Variants in ELAPOR1 observed in about 807,000 individuals in gnomAD.
ELAPOR1 encodes endosome-lysosome associated apoptosis and autophagy regulator 1.
A neutral mutation model predicts 119.7 loss-of-function variants in ELAPOR1; 77 were observed. The ratio of observed to expected loss-of-function variants is 0.64; its 90% CI spans 0.54 to 0.78. The LOEUF (loss-of-function observed/expected upper bound fraction) is 0.78. ELAPOR1 is among the 30% of genes least tolerant of loss of function. The pLI is 0.00. For synonymous variants in ELAPOR1, 481 were observed against 487.2 expected, an observed-to-expected ratio of 0.99 and a Z score of 0.17; for missense variants, 1,115 against 1,270.4, an observed-to-expected ratio of 0.88 and a Z score of 1.86.
At chr1:109,182,290 A>G (rs1652743953) in intron 7 of ELAPOR1, among the ~76,000 whole-genome samples, 1 of 152,056 alleles carries the variant, frequency 6.6e-6, no homozygotes, top group South Asian at 2.1e-4. Context: ...AGGTGGCACC[A>G]CTGCACTCCA....
chr1:109,114,968 CT>C (rs1034737789), intron 1 of ELAPOR1, among the ~76,000 whole-genome samples: 6 of 152,184 alleles, frequency 3.9e-5, no homozygotes, highest in Non-Finnish European at 8.8e-5. Context: ...CACGACTCAC[CT>C]TTTTGCAGAT....
At chr1:109,182,377 G>C (rs1652752279) in intron 7 of ELAPOR1, among the ~76,000 whole-genome samples, 1 of 151,398 alleles carries the variant, frequency 6.6e-6, no homozygotes, top group South Asian at 2.1e-4. Flanking sequence ...CAAACATGCA[G>C]GTAATAATAG....
At chr1:109,176,657 G>A (rs1652309373) in intron 7 of ELAPOR1, among the ~76,000 whole-genome samples, 1 of 148,154 alleles carries the variant, frequency 6.7e-6, no homozygotes, top group Non-Finnish European at 1.5e-5. Context: ...TCGCAGAGGG[G>A]GATTTGGCAG....
intron 2 of ELAPOR1, among the ~76,000 whole-genome samples, chr1:109,163,866 C>G (rs896315718): frequency 2.0e-5 from 3 of 152,072 alleles, no homozygotes; most frequent in African/African-American, 7.2e-5. Flanking sequence ...GGGAGAAATT[C>G]AAGGCTGAAG....
intron 2 of ELAPOR1, among the ~76,000 whole-genome samples, chr1:109,164,230 C>T (rs996323599): frequency 7.9e-5 from 12 of 152,184 alleles, no homozygotes; most frequent in Middle Eastern, 3.2e-3. Flanking sequence ...CTGGCAACCA[C>T]AAATCTACTT....
intron 1 of ELAPOR1, among the ~76,000 whole-genome samples, chr1:109,141,902 TG>T: frequency 6.6e-6 from 1 of 152,018 alleles, no homozygotes; most frequent in East Asian, 1.9e-4. Context: ...TGGGCTCAAG[TG>T]ATCCTTCCGC....
rs773788194 is a variant in ELAPOR1, at chr1:109,164,518, G to C, written c.294G>C (p.Gly98=). Residue 98 remains glycine (G), a synonymous_variant, in exon 3 of 22, where the codon GGG becomes GGC. Coordinates refer to ENST00000369939, the MANE Select transcript of ELAPOR1 (RefSeq NM_020775.5). The part of the protein sequence containing the change: ...GTECSFSCNA[G]EFLDMKDQSC... ...TTCCAGCCTTCTCCTGCAACGCCGGGGAGTTTCTGGATATGAAGGACCAGT... is the reference window on the plus strand; with the variant it reads ...TTCCAGCCTTCTCCTGCAACGCCGGCGAGTTTCTGGATATGAAGGACCAGT... The C allele has an allele frequency of 1.2e-6, 2 of 1,612,598 alleles. No homozygotes were observed. Among genetic ancestry groups the C allele is most frequent in the East Asian group, 2.2e-5 (1 of 44,834 alleles).
rs536438900 is a variant in ELAPOR1 at position 109,187,500 on chromosome 1, C to A, written c.1042-677C>A. The stretch of plus-strand genomic sequence containing the variant: ...TCTGCACAGATCATGTTCATCAACC[C>A]CTCAGTTCAACCTATAAGGGCACGT... On this transcript the variant is annotated intron_variant, in intron 8 of 21. Transcript: ENST00000369939. 3 of 1,000,446 alleles carry A rather than the reference C, an allele frequency of 3.0e-6. No individual in the cohort carries two copies. The South Asian group carries it at 1.4e-4, about 47-fold the overall frequency. The allele number at this position is 1,000,446 out of a possible 1,614,324, so 62.0% of individuals were successfully genotyped here. A position where few individuals can be genotyped will look rare whatever the true frequency, so the allele number is the denominator to read the frequency against.
intron 1 of ELAPOR1, among the ~76,000 whole-genome samples, chr1:109,124,915 C>T (rs1045626094): frequency 1.3e-5 from 2 of 152,032 alleles, no homozygotes; most frequent in Non-Finnish European, 2.9e-5. Flanking sequence ...ACTTTCGATT[C>T]CTTGTGTGTG....
At chr1:109,141,309 G>A (rs1196608342) in intron 1 of ELAPOR1, among the ~76,000 whole-genome samples, 2 of 151,936 alleles carry the variant, frequency 1.3e-5, no homozygotes, top group Admixed American at 1.3e-4. Flanking sequence ...TGCCCAGGCT[G>A]GAATGCAGTG....
At chr1:109,143,523 CTGGGATTAGA>C (rs1221704384) in intron 1 of ELAPOR1, among the ~76,000 whole-genome samples, 1 of 152,094 alleles carries the variant, frequency 6.6e-6, no homozygotes. Context: ...TGAAAATATT[CTGGGATTAGA>C]TAGTGGTGAT....
At chr1:109,173,628 T>G in intron 6 of ELAPOR1, 49 bp downstream of exon 6, 1 of 1,612,558 alleles carries the variant, frequency 6.2e-7, no homozygotes, top group Non-Finnish European at 8.5e-7. Context: ...CTTTGCAGTC[T>G]CCTGGGGACT....
rs745783967 is a variant in ELAPOR1 at position 109,189,087 on chromosome 1, G to C, written c.1241G>C (p.Gly414Ala). ...NGSDCTRCPA[G>A]TEPAVGFEYK... is the part of the protein sequence containing the mutation. Reference sequence around the variant, plus strand: ...CCAGACTGTACCCGCTGCCCTGCAGGGACTGAACCTGCTGTGGGATTTGAA... The same window carrying C: ...CCAGACTGTACCCGCTGCCCTGCAGCGACTGAACCTGCTGTGGGATTTGAA... The change falls in exon 10 of 22, where the codon GGG becomes GCG. Residue 414 changes from glycine (G) to alanine (A), a missense_variant. Gly to Ala is a moderately conservative substitution (Grantham distance 60). Transcript: ENST00000369939. 9 of 1,613,800 alleles carry C rather than the reference G, an allele frequency of 5.6e-6. No homozygotes were observed. The East Asian group carries it at 2.0e-4, about 36-fold the overall frequency.
intron 1 of ELAPOR1, among the ~76,000 whole-genome samples, chr1:109,122,478 G>A (rs1648498452): frequency 6.6e-6 from 1 of 151,602 alleles, no homozygotes; most frequent in Admixed American, 6.6e-5. Context: ...GGGCAACATA[G>A]CAAGACCCCA....
At chr1:109,116,434 A>C (rs1317822398) in intron 1 of ELAPOR1, among the ~76,000 whole-genome samples, 1 of 152,090 alleles carries the variant, frequency 6.6e-6, no homozygotes, top group Admixed American at 6.6e-5. Flanking sequence ...TTAGATCCAC[A>C]CCCCATGCCA....
chr1:109,157,773 A>C (rs1650974224), intron 1 of ELAPOR1, among the ~76,000 whole-genome samples: 1 of 152,206 alleles, frequency 6.6e-6, no homozygotes, highest in African/African-American at 2.4e-5. Context: ...ATTGTGGACC[A>C]CATCTCTGTC....
At chr1:109,121,153 C>G (rs1311769373) in intron 1 of ELAPOR1, among the ~76,000 whole-genome samples, 1 of 151,708 alleles carries the variant, frequency 6.6e-6, no homozygotes, top group East Asian at 1.9e-4. Flanking sequence ...AATTTTTTTT[C>G]AATTTTTTTT....
intron 17 of ELAPOR1, 45 bp from the exon 18 acceptor site, chr1:109,198,528 C>T (rs772554457): frequency 2.6e-6 from 4 of 1,542,664 alleles, no homozygotes; most frequent in Non-Finnish European, 3.6e-6. Flanking sequence ...TCCAATAACA[C>T]AGCTGAGTGA....
chr1:109,192,590 C>A, intron 13 of ELAPOR1, 21 bp from the exon 14 acceptor site: 1 of 1,612,850 alleles, frequency 6.2e-7, no homozygotes, highest in East Asian at 2.2e-5. Flanking sequence ...CCCCTCTCCC[C>A]TCTTGTTTCC....
Sources: gnomAD v4.1 joint callset for allele counts (sites outside exome capture counted in the v4.1 genomes callset) on GRCh38, gnomAD v4.1.1 for gene constraint, MANE v1.5 for transcripts, NCBI Gene and HGNC (gene_info 2026-07-23, HGNC 2026-07-21) for gene names.